CSNK1D: variants seen among roughly 807,000 people sequenced by gnomAD.
CSNK1D encodes casein kinase I isoform delta.
A neutral mutation model predicts 46.6 loss-of-function variants in CSNK1D; 16 were observed. The observed-to-expected ratio is 0.34, with a 90% CI of 0.23 to 0.52. The LOEUF (loss-of-function observed/expected upper bound fraction) is 0.52. CSNK1D is among the 20% of genes least tolerant of loss of function. The pLI is 0.95. For missense variants in CSNK1D, 398 were observed against 578.4 expected, an observed-to-expected ratio of 0.69 and a Z score of 3.20; for synonymous variants, 276 against 228.2, an observed-to-expected ratio of 1.21 and a Z score of -1.89.
rs1423968231 is a variant in CSNK1D at position 82,250,979 on chromosome 17, T to C, written c.885+400A>G. 4 of 316,876 alleles carry C rather than the reference T, an allele frequency of 1.3e-5. No individual in the cohort carries two copies. The highest frequency in any genetic ancestry group is 8.5e-5 in the East Asian group (1 of 11,762). 19.6% of individuals were successfully genotyped at this position (316,876 alleles called of 1,614,324 possible). A position where few individuals can be genotyped will look rare whatever the true frequency, so the allele number is the denominator to read the frequency against. ...GACAGGGTCAGTCAGGCTAGACGGGTAGCACCTCACCAGGCCCCAACCCCA... is the reference window on the plus strand; with the variant it reads ...GACAGGGTCAGTCAGGCTAGACGGGCAGCACCTCACCAGGCCCCAACCCCA... On this transcript the variant is annotated intron_variant, in intron 6 of 8. Transcript: ENST00000314028. This position sits in a 1 kb window ranked among gnomAD's most constrained non-coding sequence, Gnocchi z 4.6.
intron 2 of CSNK1D, among the ~76,000 whole-genome samples, chr17:82,264,474 C>T (rs1362816122): frequency 6.6e-6 from 1 of 152,174 alleles, no homozygotes; most frequent in African/African-American, 2.4e-5. Context: ...CGCTCTGCTC[C>T]ACACCTGGCC....
intron 1 of CSNK1D, among the ~76,000 whole-genome samples, chr17:82,270,866 C>T (rs1465554398): frequency 2.6e-5 from 4 of 152,172 alleles, no homozygotes; most frequent in African/African-American, 7.2e-5. Flanking sequence ...GAGCCACAGC[C>T]GCCCGCAATC....
Position 82,243,079 on chromosome 17 carries a change from TCAA to T in CSNK1D, c.*1699_*1701del. 2.0e-6 allele frequency: 2 copies of T among 985,374 alleles called. No individual in the cohort carries two copies. Among genetic ancestry groups the T allele is most frequent in the Non-Finnish European group, 2.4e-6 (2 of 829,930 alleles). The allele number at this position is 985,374 out of a possible 1,614,324, so 61.0% of individuals were successfully genotyped here. The stretch of plus-strand genomic sequence containing the variant: ...ACCCACCCCAACCTCCCTCTGTACT[TCAA>T]CACACAGCTCCCACCCGCTCAAGGC... On this transcript the variant is annotated 3_prime_UTR_variant, in exon 9 of 9. Coordinates refer to ENST00000314028, the MANE Select transcript of CSNK1D (RefSeq NM_001893.6).
At position 82,250,604 on chromosome 17, in the gene CSNK1D, G is replaced by C; in HGVS notation, c.885+775C>G. On this transcript the variant is annotated intron_variant, in intron 6 of 8. Coordinates refer to ENST00000314028, the MANE Select transcript of CSNK1D (RefSeq NM_001893.6). The surrounding 1 kb of genome is among the most constrained non-coding windows in gnomAD (Gnocchi z 4.6). ...CCCCACGCTGATGGGCACTTGGCAA[G>C]TAAGTCAAGATGAACAGAGTGCACC... is the stretch of plus-strand genomic sequence containing the variant. 1 of 199,598 alleles carries C rather than the reference G, an allele frequency of 5.0e-6. No individual in the cohort carries two copies. Among genetic ancestry groups the C allele is most frequent in the South Asian group, 6.9e-5 (1 of 14,586 alleles). The allele number at this position is 199,598 out of a possible 1,614,324, so 12.4% of individuals were successfully genotyped here.
At chr17:82,270,506 G>A (rs1241996687) in intron 1 of CSNK1D, among the ~76,000 whole-genome samples, 1 of 152,224 alleles carries the variant, frequency 6.6e-6, no homozygotes, top group South Asian at 2.1e-4. Context: ...ACGACACACA[G>A]AGGTCAAGAT....
At chr17:82,246,195 T>C in intron 8 of CSNK1D, 2 of 1,532,630 alleles carry the variant, frequency 1.3e-6, no homozygotes, top group Admixed American at 2.0e-5. Context: ...CAGCCTCACT[T>C]GCCTCTCAGG....
Position 82,250,083 on chromosome 17 carries a change from G to A in CSNK1D, c.886-481C>T. ...CCTGCAGCCTCCAACAGCCTGTGCA[G>A]GTGTGGTGGCGTGGCCAGCAGCCGG... On this transcript the variant is annotated intron_variant, in intron 6 of 8. Transcript: ENST00000314028. The surrounding 1 kb of genome is among the most constrained non-coding windows in gnomAD (Gnocchi z 4.6). 2 of 1,290,130 alleles carry A rather than the reference G, an allele frequency of 1.6e-6. No individual in the cohort carries two copies. Among genetic ancestry groups the A allele is most frequent in the South Asian group, 1.2e-5 (1 of 80,906 alleles). 79.9% of individuals were successfully genotyped at this position (1,290,130 alleles called of 1,614,324 possible).
At chr17:82,267,804 G>A (rs1031164702) in intron 1 of CSNK1D, among the ~76,000 whole-genome samples, 5 of 152,178 alleles carry the variant, frequency 3.3e-5, no homozygotes, top group Admixed American at 6.5e-5. Context: ...GTGCAGCCTC[G>A]GACAGTACCG....
chr17:82,240,294 C>T (rs1272165837), downstream of CSNK1D, among the ~76,000 whole-genome samples: 3 of 152,170 alleles, frequency 2.0e-5, no homozygotes, highest in Non-Finnish European at 4.4e-5. Flanking sequence ...TCCACCAGTC[C>T]CACCCAGCAG....
chr17:82,267,442 G>A (rs1365216888), intron 1 of CSNK1D, among the ~76,000 whole-genome samples: 2 of 152,168 alleles, frequency 1.3e-5, no homozygotes, highest in African/African-American at 2.4e-5. Context: ...GGCGGCATGA[G>A]ATGTGCCACT....
In CSNK1D at chr17:82,252,246, G is replaced by C. The variant is rs2051031503; in HGVS notation, c.736+188C>G. 6.6e-6 allele frequency among the ~76,000 whole-genome samples: 1 copy of C among 152,194 alleles called. No individual in the cohort carries two copies. Among genetic ancestry groups the C allele is most frequent in the South Asian group, 2.1e-4 (1 of 4,830 alleles). ...CCCCACGCTGATGGGCACTTGGCAA[G>C]TAAGTCAAGATGAACAGGAGGGCAG... On this transcript the variant is annotated intron_variant, in intron 5 of 8. Coordinates refer to ENST00000314028, the MANE Select transcript of CSNK1D (RefSeq NM_001893.6). The surrounding 1 kb of genome is among the most constrained non-coding windows in gnomAD (Gnocchi z 4.6).
At chr17:82,262,467 C>T (rs769309338) in intron 2 of CSNK1D, among the ~76,000 whole-genome samples, 1 of 152,206 alleles carries the variant, frequency 6.6e-6, no homozygotes, top group Non-Finnish European at 1.5e-5. Context: ...AGAATGCACT[C>T]GCTGTGGAGC....
At chr17:82,271,083 A>G (rs954598493) in intron 1 of CSNK1D, among the ~76,000 whole-genome samples, 2 of 152,058 alleles carry the variant, frequency 1.3e-5, no homozygotes, top group South Asian at 2.1e-4. Flanking sequence ...CTTCTTATTT[A>G]TTTATTTTTT....
rs1765021627 is a variant in CSNK1D at position 82,252,701 on chromosome 17, C to T, written c.566-97G>A. 1 of 1,239,458 alleles carries T rather than the reference C, an allele frequency of 8.1e-7. No homozygotes were observed. The allele number at this position is 1,239,458 out of a possible 1,614,324, so 76.8% of individuals were successfully genotyped here. A position where few individuals can be genotyped will look rare whatever the true frequency, so the allele number is the denominator to read the frequency against. ...CGTTCCAGTGGAGACTAGCCTCAGA[C>T]ACACATGCCCAGATCACTCCAGCTG... On this transcript the variant is annotated intron_variant, in intron 4 of 8. Transcript: ENST00000314028. This position sits in a 1 kb window ranked among gnomAD's most constrained non-coding sequence, Gnocchi z 4.6.
At position 82,273,381 on chromosome 17, in the gene CSNK1D, TGGC is replaced by T; in HGVS notation, c.-3_-1del. On this transcript the variant is annotated 5_prime_UTR_variant, in exon 1 of 9. Coordinates refer to ENST00000314028, the MANE Select transcript of CSNK1D (RefSeq NM_001893.6). The surrounding 1 kb of genome is among the most constrained non-coding windows in gnomAD (Gnocchi z 5.1). Reference sequence around the variant, plus strand: ...TACCTGTTCCCGACTCTCAGCTCCATGGCGGCGGCGGCCCGATTCGCTCCTGCC... The same window carrying T: ...TACCTGTTCCCGACTCTCAGCTCCATGGCGGCGGCCCGATTCGCTCCTGCC... The T allele has an allele frequency of 6.2e-6, 10 of 1,610,750 alleles. No homozygotes were observed. The highest frequency in any genetic ancestry group is 7.6e-6 in the Non-Finnish European group (9 of 1,179,340).
chr17:82,245,921 GGTGGCTCCCAC>G, intron 8 of CSNK1D: 1 of 1,538,670 alleles, frequency 6.5e-7, no homozygotes, highest in Non-Finnish European at 8.8e-7. Context: ...GGTGGGGCAT[GGTGGCTCCCAC>G]CCACCTGGCG....
chr17:82,246,837 G>A (rs1327956305), intron 8 of CSNK1D: 5 of 986,406 alleles, frequency 5.1e-6, no homozygotes, highest in Admixed American at 6.1e-5. Flanking sequence ...AAGACTGGCC[G>A]GGGATGAGTC....
intron 3 of CSNK1D, chr17:82,253,815 G>A (rs1281425781): frequency 7.4e-6 from 2 of 272,076 alleles, no homozygotes; most frequent in Non-Finnish European, 1.4e-5. Context: ...CCGGAGCCTC[G>A]AGAAGCCAGT....
rs943708579 is a variant in CSNK1D at position 82,273,109 on chromosome 17, C to A, written c.76+197G>T. ...CCCCGACCTGGTCCTGCCCCTCCCC[C>A]ACGTCCGCTCCCCACTGCCCTCCCC... On this transcript the variant is annotated intron_variant, in intron 1 of 8. Coordinates refer to ENST00000314028, the MANE Select transcript of CSNK1D (RefSeq NM_001893.6). The surrounding 1 kb of genome is among the most constrained non-coding windows in gnomAD (Gnocchi z 5.1). 2.3e-4 allele frequency: 135 copies of A among 598,056 alleles called. No individual in the cohort carries two copies. The highest frequency in any genetic ancestry group is 3.3e-4 in the Non-Finnish European group (113 of 340,842). 37.0% of individuals were successfully genotyped at this position (598,056 alleles called of 1,614,324 possible).
Sources: allele counts gnomAD v4.1 joint callset (sites outside exome capture counted in the v4.1 genomes callset), GRCh38; gene constraint gnomAD v4.1.1; non-coding constraint Gnocchi (gnomAD v3.1); transcripts MANE v1.5; gene names NCBI Gene and HGNC (gene_info 2026-07-23, HGNC 2026-07-21).